RANBP3: variants seen among roughly 807,000 people sequenced by gnomAD.
The protein encoded by RANBP3 is ran-binding protein 3.
In RANBP3, 14 loss-of-function variants were observed where a neutral mutation model predicts 77.3. That is an observed-to-expected ratio of 0.18 (90% CI 0.12 to 0.28). The LOEUF (loss-of-function observed/expected upper bound fraction) is 0.28, where lower values mean the gene tolerates loss of function less well. Among genes scored for constraint, RANBP3 ranks in the 10% least tolerant of loss-of-function variants. RANBP3 has a pLI of 1.00. For synonymous variants in RANBP3, 315 were observed against 312.4 expected, an observed-to-expected ratio of 1.01 and a Z score of -0.09; for missense variants, 586 against 752.3, an observed-to-expected ratio of 0.78 and a Z score of 2.59.
At chr19:5,972,494 C>T (rs986573279) in intron 1 of RANBP3, among the ~76,000 whole-genome samples, 2 of 152,188 alleles carry the variant, frequency 1.3e-5, no homozygotes, top group African/African-American at 4.8e-5. Context: ...ACATCACCAC[C>T]AGACCCTGAA....
intron 5 of RANBP3, among the ~76,000 whole-genome samples, chr19:5,937,644 C>A (rs1441148093): frequency 6.6e-6 from 1 of 152,198 alleles, no homozygotes. Flanking sequence ...AAACAGAAGG[C>A]AGGCAGACAA....
intron 5 of RANBP3, chr19:5,934,093 C>T (rs2058033387): frequency 6.6e-6 from 1 of 152,258 alleles, no homozygotes; most frequent in Non-Finnish European, 1.5e-5. Flanking sequence ...TCCGGGCTGA[C>T]AAATTCACAA....
Position 5,954,460 on chromosome 19 carries a change from C to G in RANBP3, c.79-2864G>C, listed in dbSNP as rs540417765. On this transcript the variant is annotated intron_variant, in intron 2 of 16. Transcript: ENST00000340578. ...AGAATGGCCTCATCCCTATGAGACA[C>G]CCGTGGAAGAATTTAGGGCAGAAAT... 8.5e-5 allele frequency among the ~76,000 whole-genome samples: 13 copies of G among 152,206 alleles called. No individual in the cohort carries two copies. The East Asian group carries it at 2.5e-3, about 29-fold the overall frequency.
intron 3 of RANBP3, among the ~76,000 whole-genome samples, chr19:5,947,263 C>G (rs371580303): frequency 1.9e-4 from 28 of 148,434 alleles, no homozygotes; most frequent in African/African-American, 5.0e-4. Context: ...GCAGTGAGCC[C>G]AGATGGCGCC....
rs1030880366 is a variant in RANBP3 at position 5,931,595 on chromosome 19, T to G, written c.566-64A>C. On this transcript the variant is annotated intron_variant, in intron 7 of 16. Transcript: ENST00000340578. ...GGCGGCCCTCCCACCCCCACTCACATAGCTGAGGGGCTGGGCCACGTCTAG... is the reference window on the plus strand; with the variant it reads ...GGCGGCCCTCCCACCCCCACTCACAGAGCTGAGGGGCTGGGCCACGTCTAG... 3.2e-6 allele frequency: 5 copies of G among 1,545,996 alleles called. No homozygotes were observed. The Admixed American group carries it at 8.9e-5, about 28-fold the overall frequency.
chr19:5,941,444 C>A (rs1470341236), intron 5 of RANBP3, among the ~76,000 whole-genome samples, 177 bp downstream of exon 5: 1 of 152,150 alleles, frequency 6.6e-6, no homozygotes, highest in Non-Finnish European at 1.5e-5. Flanking sequence ...AGACGAGGAC[C>A]CCTGATGCTG....
chr19:5,962,066 C>T (rs1434307964), intron 1 of RANBP3, among the ~76,000 whole-genome samples: 1 of 152,092 alleles, frequency 6.6e-6, no homozygotes, highest in East Asian at 1.9e-4. Flanking sequence ...TTATATCCTG[C>T]CACGGGGCAC....
intron 7 of RANBP3, among the ~76,000 whole-genome samples, chr19:5,932,199 C>T (rs1395990049): frequency 6.6e-6 from 1 of 152,232 alleles, no homozygotes; most frequent in East Asian, 1.9e-4. Context: ...GCAGGTTTCA[C>T]CCACACAGTC....
At chr19:5,962,754 A>C in intron 1 of RANBP3, 1 of 455,976 alleles carries the variant, frequency 2.2e-6, no homozygotes, top group South Asian at 1.5e-5. Flanking sequence ...ATTTCTACTC[A>C]GGCCAAAGGT....
At position 5,952,665 on chromosome 19, in the gene RANBP3, C is replaced by T. The variant is rs996504241; in HGVS notation, c.79-1069G>A. On this transcript the variant is annotated intron_variant, in intron 2 of 16. Coordinates refer to ENST00000340578, the MANE Select transcript of RANBP3 (RefSeq NM_007322.3). The surrounding 1 kb of genome is among the most constrained non-coding windows in gnomAD (Gnocchi z 4.1). The stretch of plus-strand genomic sequence containing the variant: ...TTCTTCTTGGGTGTGAAGTGGCTGA[C>T]CTCTTTAGACGGGGTTTGGGCACTA... 6.6e-6 allele frequency among the ~76,000 whole-genome samples: 1 copy of T among 152,138 alleles called. No homozygotes were observed.
At chr19:5,966,883 TA>T (rs1343341592) in intron 1 of RANBP3, among the ~76,000 whole-genome samples, 1 of 152,236 alleles carries the variant, frequency 6.6e-6, no homozygotes. Context: ...TGATATGTCT[TA>T]ATCTTCTTAC....
At chr19:5,923,716 G>A (rs2057860033) in intron 12 of RANBP3, 96 bp downstream of exon 12, 1 of 958,358 alleles carries the variant, frequency 1.0e-6, no homozygotes, top group African/African-American at 1.6e-5. Flanking sequence ...GCGGGAGTCG[G>A]GCCCCTTATC....
chr19:5,922,096 T>C (rs1391366721), intron 13 of RANBP3, among the ~76,000 whole-genome samples: 2 of 152,178 alleles, frequency 1.3e-5, no homozygotes, highest in East Asian at 1.9e-4. Flanking sequence ...AATGGGACAG[T>C]GTTCTTTTTG....
chr19:5,943,443 G>T (rs980330649), intron 3 of RANBP3, among the ~76,000 whole-genome samples: 3 of 152,152 alleles, frequency 2.0e-5, no homozygotes, highest in African/African-American at 7.2e-5. Flanking sequence ...GGCCACATTT[G>T]GTCTCTGTCA....
intron 1 of RANBP3, among the ~76,000 whole-genome samples, chr19:5,972,553 T>C (rs188611355): frequency 2.0e-4 from 31 of 152,238 alleles, no homozygotes; most frequent in Admixed American, 1.8e-3. Context: ...CAAAGTACCA[T>C]GGAGAGCTAC....
chr19:5,955,439 T>C (rs1352560387), intron 2 of RANBP3, among the ~76,000 whole-genome samples: 1 of 152,186 alleles, frequency 6.6e-6, no homozygotes, highest in African/African-American at 2.4e-5. Flanking sequence ...CTGGCTAGCC[T>C]TCTGGTTCAA....
chr19:5,960,638 C>T (rs1481927208), intron 1 of RANBP3, among the ~76,000 whole-genome samples: 1 of 152,198 alleles, frequency 6.6e-6, no homozygotes, highest in Non-Finnish European at 1.5e-5. Context: ...GGCGAAGACA[C>T]TTGGTGCCAG....
At chr19:5,957,299 C>A (rs2058346160) in intron 2 of RANBP3, among the ~76,000 whole-genome samples, 1 of 152,192 alleles carries the variant, frequency 6.6e-6, no homozygotes, top group Admixed American at 6.5e-5. Context: ...CCAATCAGAC[C>A]TTCCACAGGC....
chr19:5,941,230 C>A (rs2058132153), intron 5 of RANBP3, among the ~76,000 whole-genome samples: 1 of 152,210 alleles, frequency 6.6e-6, no homozygotes, highest in Non-Finnish European at 1.5e-5. Flanking sequence ...CCGTGCTGGG[C>A]ATGCAGCTGA....
Sources: gnomAD v4.1 joint callset for allele counts (sites outside exome capture counted in the v4.1 genomes callset) on GRCh38, gnomAD v4.1.1 for gene constraint, Gnocchi (gnomAD v3.1) non-coding constraint, MANE v1.5 for transcripts, NCBI Gene and HGNC (gene_info 2026-07-23, HGNC 2026-07-21) for gene names.